Variants in NOBOX observed in about 807,000 individuals in gnomAD.
NOBOX encodes the protein NOBOX oogenesis homeobox.
Under a neutral mutation model 60.2 loss-of-function variants are expected in NOBOX, and 46 were observed. The observed-to-expected ratio is 0.76, with a 90% CI of 0.60 to 0.98. The LOEUF (loss-of-function observed/expected upper bound fraction) is 0.98, where lower values mean the gene tolerates loss of function less well. Ranked by LOEUF, NOBOX falls within the 50% of genes least tolerant of loss-of-function variation. The probability of loss-of-function intolerance (pLI) is 0.00; values close to 1 mark genes in which losing one functional copy is unlikely to be tolerated. For missense variants in NOBOX, 880 were observed against 865.5 expected, an observed-to-expected ratio of 1.02 and a Z score of -0.21; for synonymous variants, 360 against 346.3, an observed-to-expected ratio of 1.04 and a Z score of -0.44.
At position 144,398,572 on chromosome 7, in the gene NOBOX, G is replaced by A. The variant is rs774907795; in HGVS notation, c.1484C>T (p.Pro495Leu). ...CAGCTCCTCCAAATATGAACAGGGG[G>A]GTGGCAGGGTGATGCTGCAAGGACA... The change falls in exon 9 of 10, where the codon CCC becomes CTC. Residue 495 changes from proline (P) to leucine (L), a missense_variant. Transcript: ENST00000467773. 3.5e-5 allele frequency: 54 copies of A among 1,535,690 alleles called. No homozygotes were observed. The South Asian group carries it at 5.8e-4, about 17-fold the overall frequency.
chr7:144,398,060 T>C (rs768356036), intron 9 of NOBOX, among the ~76,000 whole-genome samples: 4 of 152,202 alleles, frequency 2.6e-5, no homozygotes, highest in Non-Finnish European at 5.9e-5. Context: ...ACTTCAAGCC[T>C]GTTTTCCTGA....
chr7:144,397,043 G>C (rs1219720645), downstream of NOBOX, among the ~76,000 whole-genome samples: 1 of 152,170 alleles, frequency 6.6e-6, no homozygotes, highest in African/African-American at 2.4e-5. Flanking sequence ...CCCCCACACA[G>C]AGTGTGAAGA....
chr7:144,409,460 T>C lies in NOBOX; in HGVS notation c.85+683A>G, dbSNP rs143934295. Among the ~76,000 whole-genome samples the C allele has an allele frequency of 2.7e-3, 417 of 152,340 alleles. 3 individuals are homozygous for C. The highest frequency in any genetic ancestry group is 9.8e-3 in the African/African-American group (407 of 41,568). ...AGCATTTTTTCCATTATTGCTGTTT[T>C]GTATATGATTTTCATGATTGTAATT... On this transcript the variant is annotated intron_variant, in intron 1 of 9. Coordinates refer to ENST00000467773, the MANE Select transcript of NOBOX (RefSeq NM_001080413.3).
rs1272372094 is a variant in NOBOX, at chr7:144,410,174, G to C, written c.54C>G (p.Thr18=). The change falls in exon 1 of 10, where the codon ACC becomes ACG. Residue 18 remains threonine, a synonymous_variant. Coordinates refer to ENST00000467773, the MANE Select transcript of NOBOX (RefSeq NM_001080413.3). The stretch of plus-strand genomic sequence containing the variant: ...GGGCTTTGAAGCCATCCTTGTCTCT[G>C]GTGTCCCAGGTACCCTCCAGGTCTG... The C allele has an allele frequency of 1.3e-6, 2 of 1,570,778 alleles. No individual in the cohort carries two copies. The highest frequency in any genetic ancestry group is 1.7e-6 in the Non-Finnish European group (2 of 1,156,356).
chr7:144,399,672 A>G (rs1472833385), intron 6 of NOBOX, 85 bp downstream of exon 4: 19 of 1,256,432 alleles, frequency 1.5e-5, no homozygotes, highest in Non-Finnish European at 2.0e-5. Flanking sequence ...TAGCCTTCCA[A>G]TGGTCTCCTT....
chr7:144,403,751 C>G, intron 2 of NOBOX, 58 bp from the exon 1 acceptor site: 1 of 669,016 alleles, frequency 1.5e-6, no homozygotes. Flanking sequence ...CCTAATGAAG[C>G]CTCGCCGGGC....
At chr7:144,407,353 C>G (rs1026817553) in intron 1 of NOBOX, among the ~76,000 whole-genome samples, 1 of 152,182 alleles carries the variant, frequency 6.6e-6, no homozygotes, top group Non-Finnish European at 1.5e-5. Flanking sequence ...GTCATTGGAA[C>G]ACCTAGGACC....
At chr7:144,409,295 T>C (rs2054006400) in intron 1 of NOBOX, among the ~76,000 whole-genome samples, 1 of 152,162 alleles carries the variant, frequency 6.6e-6, no homozygotes, top group South Asian at 2.1e-4. Flanking sequence ...GTTCTAAAAG[T>C]AAAACAATAA....
chr7:144,405,107 C>T (rs2053976416), intron 1 of NOBOX, among the ~76,000 whole-genome samples: 1 of 152,130 alleles, frequency 6.6e-6, no homozygotes, highest in African/African-American at 2.4e-5. Flanking sequence ...ACCTTTAGTT[C>T]TTTCTGAAAC....
chr7:144,398,362 G>T lies in NOBOX; in HGVS notation c.1694C>A (p.Pro565His). Reference sequence around the variant, plus strand: ...ATAGCCCTGCGATGTGCCCCCGCTGGGGCCACAGGGAAACATAAAGAGAGA... The same window carrying T: ...ATAGCCCTGCGATGTGCCCCCGCTGTGGCCACAGGGAAACATAAAGAGAGA... Residue 565 changes from proline to histidine, a missense_variant, in exon 9 of 10, where the codon CCC becomes CAC. By Grantham distance (77) the Pro-to-His change is moderately conservative (BLOSUM62 -2). Coordinates refer to ENST00000467773, the MANE Select transcript of NOBOX (RefSeq NM_001080413.3). 1 of 1,537,258 alleles carries T rather than the reference G, an allele frequency of 6.5e-7. No homozygotes were observed. Among genetic ancestry groups the T allele is most frequent in the Non-Finnish European group, 8.7e-7 (1 of 1,146,912 alleles).
chr7:144,396,933 G>C (rs146369613), downstream of NOBOX, among the ~76,000 whole-genome samples: 4 of 152,018 alleles, frequency 2.6e-5, no homozygotes, highest in East Asian at 7.7e-4. Flanking sequence ...TACTGCTTAC[G>C]GTGGACACTC....
chr7:144,405,536 G>A (rs1183915120), intron 1 of NOBOX, among the ~76,000 whole-genome samples: 2 of 152,136 alleles, frequency 1.3e-5, no homozygotes, highest in African/African-American at 4.8e-5. Context: ...AAGGTGACAC[G>A]TGGGCTATGA....
In NOBOX at chr7:144,399,021, C is replaced by G; in HGVS notation, c.1398G>C (p.Met466Ile). 6.3e-7 allele frequency: 1 copy of G among 1,594,482 alleles called. No homozygotes were observed. ...TGCCAGCAACATCCATCAGCAGTGG[C>G]ATCAGTTGGGGGGTGTGGACAGGGC... Residue 466 changes from methionine (M) to isoleucine (I), a missense_variant, in exon 8 of 10, where the codon ATG (methionine) becomes ATC (isoleucine). Coordinates refer to ENST00000467773, the MANE Select transcript of NOBOX (RefSeq NM_001080413.3).
intron 2 of NOBOX, 109 bp from the exon 1 acceptor site, chr7:144,403,802 GA>G: frequency 2.2e-6 from 1 of 455,336 alleles, no homozygotes; most frequent in Non-Finnish European, 3.9e-6. Context: ...CGGGCCGGGG[GA>G]GCCGTAGCCC....
intron 2 of NOBOX, among the ~76,000 whole-genome samples, chr7:144,404,101 T>C (rs547230680): frequency 2.7e-4 from 41 of 152,284 alleles, no homozygotes; most frequent in African/African-American, 9.4e-4. Flanking sequence ...GACTCAGTCC[T>C]GGATCGTGGC....
intron 1 of NOBOX, among the ~76,000 whole-genome samples, chr7:144,408,897 C>T (rs555098222): frequency 3.1e-4 from 47 of 152,278 alleles, no homozygotes; most frequent in Non-Finnish European, 4.0e-4. Context: ...TAAAACTGCA[C>T]AGAACTAAAT....
rs755267567 is a variant in NOBOX at position 144,404,551 on chromosome 7, C to T, written c.210+5G>A. 10 of 1,612,100 alleles carry T rather than the reference C, an allele frequency of 6.2e-6. No individual in the cohort carries two copies. Among genetic ancestry groups the T allele is most frequent in the Admixed American group, 1.7e-5 (1 of 59,886 alleles). On this transcript the variant is annotated splice_donor_5th_base_variant and intron_variant, in intron 2 of 9. Coordinates refer to ENST00000467773, the MANE Select transcript of NOBOX (RefSeq NM_001080413.3). The stretch of plus-strand genomic sequence containing the variant: ...GGCGTGAGCCACAGCGCTCGCCCCC[C>T]GTACTGATTTGAGGGTCTCCAGAGC...
At position 144,397,394 on chromosome 7, in the gene NOBOX, G is replaced by A. The variant is rs1204124781; in HGVS notation, c.1922C>T (p.Pro641Leu). 1.3e-6 allele frequency: 2 copies of A among 1,537,274 alleles called. No homozygotes were observed. Among genetic ancestry groups the A allele is most frequent in the East Asian group, 4.9e-5 (2 of 40,906 alleles). The change falls in exon 10 of 10, where the codon CCT (proline) becomes CTT (leucine). Residue 641 changes from proline to leucine, a missense_variant. Coordinates refer to ENST00000467773, the MANE Select transcript of NOBOX (RefSeq NM_001080413.3). Reference sequence around the variant, plus strand: ...AGGCATCCATGAGAGAGCTGACGAAGGCTGCCTGCCCAGAGCCTGGGGGCA... The same window carrying A: ...AGGCATCCATGAGAGAGCTGACGAAAGCTGCCTGCCCAGAGCCTGGGGGCA...
intron 8 of NOBOX, 78 bp downstream of exon 6, chr7:144,398,872 G>A: frequency 6.5e-6 from 5 of 770,244 alleles, no homozygotes; most frequent in Non-Finnish European, 1.1e-5. Context: ...TCTCCTCTCT[G>A]TGTCTATCTT....
Sources: gnomAD v4.1 joint callset for allele counts (sites outside exome capture counted in the v4.1 genomes callset) on GRCh38, gnomAD v4.1.1 for gene constraint, MANE v1.5 for transcripts, NCBI Gene and HGNC (gene_info 2026-07-23, HGNC 2026-07-21) for gene names.